THADA: variants seen among roughly 807,000 people sequenced by gnomAD.
THADA encodes THADA armadillo repeat containing, also known as tRNA (32-2'-O)-methyltransferase regulator THADA.
THADA carries 213 observed loss-of-function variants against 219.8 expected under a neutral mutation model. The ratio of observed to expected loss-of-function variants is 0.97; its 90% CI spans 0.87 to 1.09. The LOEUF is 1.09. Ranked by LOEUF, THADA falls within the 50% of genes least tolerant of loss-of-function variation. THADA has a pLI of 0.00. For synonymous variants in THADA, 1,018 were observed against 828.9 expected (o/e 1.23, Z -3.92); for missense variants, 2,956 against 2,311.3 (o/e 1.28, Z -5.72).
chr2:43,487,881 G>A (rs1164847617), intron 25 of THADA, among the ~76,000 whole-genome samples: 2 of 152,146 alleles, frequency 1.3e-5, no homozygotes, highest in South Asian at 2.1e-4. Context: ...ATAGCAGCCC[G>A]AAGGGACTAA....
intron 35 of THADA, among the ~76,000 whole-genome samples, chr2:43,284,202 T>G (rs1673710903): frequency 6.6e-6 from 1 of 151,842 alleles, no homozygotes; most frequent in Non-Finnish European, 1.5e-5. Context: ...AAACCGAATG[T>G]TAACAGCCAA....
intron 35 of THADA, among the ~76,000 whole-genome samples, chr2:43,286,662 T>C (rs1047993115): frequency 4.0e-5 from 6 of 151,430 alleles, no homozygotes; most frequent in South Asian, 2.1e-4. Context: ...GAGGTGGAGG[T>C]TGCACTAAGC....
At chr2:43,546,484 A>T (rs986641220) in intron 20 of THADA, among the ~76,000 whole-genome samples, 3 of 152,092 alleles carry the variant, frequency 2.0e-5, no homozygotes, top group African/African-American at 7.2e-5. Flanking sequence ...AAAGTCTCCC[A>T]TTATTATTGT....
chr2:43,469,310 T>A (rs767836419), intron 26 of THADA, among the ~76,000 whole-genome samples: 58 of 152,188 alleles, frequency 3.8e-4, no homozygotes, highest in Non-Finnish European at 7.5e-4. Flanking sequence ...AGCAGGGGCT[T>A]AATAAATATT....
intron 20 of THADA, among the ~76,000 whole-genome samples, chr2:43,543,220 C>T (rs1162951992): frequency 1.4e-5 from 2 of 140,644 alleles, no homozygotes; most frequent in Non-Finnish European, 3.1e-5. Flanking sequence ...TTTTTTATGG[C>T]TGCATAGTAT....
intron 7 of THADA, among the ~76,000 whole-genome samples, chr2:43,582,135 T>C (rs979385183): frequency 6.6e-6 from 1 of 152,224 alleles, no homozygotes; most frequent in Admixed American, 6.5e-5. Flanking sequence ...TTAATCTACA[T>C]GTCCCTCTTT....
intron 31 of THADA, among the ~76,000 whole-genome samples, chr2:43,302,725 T>C (rs1572985551): frequency 6.6e-6 from 1 of 152,226 alleles, no homozygotes; most frequent in East Asian, 1.9e-4. Context: ...CATAGTGTCA[T>C]CATAAAAGAT....
chr2:43,391,282 G>A (rs939540632), intron 29 of THADA, among the ~76,000 whole-genome samples: 1 of 152,016 alleles, frequency 6.6e-6, no homozygotes, highest in Non-Finnish European at 1.5e-5. Context: ...ACATCAAATG[G>A]CAAATCTCTA....
At chr2:43,405,106 G>A (rs1420106236) in intron 28 of THADA, among the ~76,000 whole-genome samples, 4 of 152,318 alleles carry the variant, frequency 2.6e-5, no homozygotes, top group East Asian at 1.9e-4. Flanking sequence ...GGAAAGGAGA[G>A]GAGGCTTGAG....
In THADA at chr2:43,592,327, T is replaced by C. The variant is rs1346610046; in HGVS notation, c.66A>G (p.Glu22=). The C allele has an allele frequency of 1.2e-6, 2 of 1,605,158 alleles. No individual in the cohort carries two copies. Among genetic ancestry groups the C allele is most frequent in the Non-Finnish European group, 1.7e-6 (2 of 1,176,154 alleles). Residue 22 remains glutamate, a synonymous_variant, in exon 2 of 38, where the codon GAA becomes GAG. Transcript: ENST00000405975. ...CCAGAAGTCACCTACATTTCAAAGTTTCAAGGTCCTGATGGCAAATGGTCA... is the reference window on the plus strand; with the variant it reads ...CCAGAAGTCACCTACATTTCAAAGTCTCAAGGTCCTGATGGCAAATGGTCA... ...AALTICHQDL[E]TLKSFADVEG... is the part of the protein sequence containing the mutation.
intron 26 of THADA, among the ~76,000 whole-genome samples, chr2:43,480,604 T>A (rs1032537883): frequency 1.3e-4 from 19 of 151,190 alleles, no homozygotes; most frequent in African/African-American, 4.4e-4. Flanking sequence ...AGGTCAGGAG[T>A]TCAAGACTAA....
At chr2:43,452,285 A>T (rs1682443108) in intron 26 of THADA, among the ~76,000 whole-genome samples, 1 of 152,092 alleles carries the variant, frequency 6.6e-6, no homozygotes, top group African/African-American at 2.4e-5. Context: ...ATATTGTTCA[A>T]GTGAGGGGGT....
chr2:43,511,721 C>T (rs1221965100), intron 22 of THADA, among the ~76,000 whole-genome samples: 1 of 152,170 alleles, frequency 6.6e-6, no homozygotes, highest in African/African-American at 2.4e-5. Context: ...TTCATCCAAA[C>T]TGATGAAACT....
chr2:43,230,912 C>G lies in THADA; in HGVS notation c.*36G>C, dbSNP rs1310867080. On this transcript the variant is annotated 3_prime_UTR_variant, in exon 38 of 38. Coordinates refer to ENST00000405975, the MANE Select transcript of THADA (RefSeq NM_022065.5). ...CCTGCAGATTTAGTGGAGGAAAAAT[C>G]CACACATACCCCCATCCCAATCCCC... 6.5e-7 allele frequency: 1 copy of G among 1,537,016 alleles called. No homozygotes were observed. The highest frequency in any genetic ancestry group is 1.4e-5 in the African/African-American group (1 of 72,040).
chr2:43,323,675 G>C (rs1323469474), intron 30 of THADA, among the ~76,000 whole-genome samples: 2 of 152,156 alleles, frequency 1.3e-5, no homozygotes, highest in African/African-American at 4.8e-5. Flanking sequence ...ACTAGTTTTG[G>C]AGACAAAAAC....
intron 36 of THADA, among the ~76,000 whole-genome samples, chr2:43,241,436 T>C (rs964859649): frequency 6.6e-6 from 1 of 151,164 alleles, no homozygotes; most frequent in Non-Finnish European, 1.5e-5. Flanking sequence ...AGAAAGTATA[T>C]GCGGAGGCAG....
At chr2:43,312,162 C>T (rs1430622167) in intron 31 of THADA, among the ~76,000 whole-genome samples, 3 of 149,776 alleles carry the variant, frequency 2.0e-5, no homozygotes, top group East Asian at 2.0e-4. Flanking sequence ...GAGGCTGCAG[C>T]GAGCCATGAC....
chr2:43,494,097 G>A (rs956777019), intron 25 of THADA, among the ~76,000 whole-genome samples: 2 of 152,182 alleles, frequency 1.3e-5, no homozygotes, highest in Non-Finnish European at 1.5e-5. Flanking sequence ...CTGGACATGC[G>A]ATCTGGCTTC....
intron 19 of THADA, 76 bp from the exon 20 acceptor site, chr2:43,549,444 A>T (rs1696490578): frequency 2.1e-6 from 3 of 1,413,212 alleles, no homozygotes; most frequent in Non-Finnish European, 2.8e-6. Flanking sequence ...ATGCTTACTC[A>T]AAAAATCTAT....
Sources: allele counts gnomAD v4.1 joint callset (sites outside exome capture counted in the v4.1 genomes callset), GRCh38; gene constraint gnomAD v4.1.1; transcripts MANE v1.5; gene names NCBI Gene and HGNC (gene_info 2026-07-23, HGNC 2026-07-21).